Variants in VWA8 observed in about 807,000 individuals in gnomAD.
VWA8 encodes the protein von Willebrand factor A domain-containing protein 8.
Under a neutral mutation model 241.5 loss-of-function variants are expected in VWA8, and 221 were observed. The ratio of observed to expected loss-of-function variants is 0.91; its 90% CI spans 0.82 to 1.02. VWA8 has a LOEUF of 1.02. Ranked by LOEUF, VWA8 falls within the 50% of genes least tolerant of loss-of-function variation. VWA8 has a pLI of 0.00. For synonymous variants in VWA8, 852 were observed against 827.1 expected, an observed-to-expected ratio of 1.03 and a Z score of -0.52; for missense variants, 2,322 against 2,328.7, an observed-to-expected ratio of 1.00 and a Z score of 0.06.
At chr13:41,871,191 G>A (rs1281382352) in intron 9 of VWA8, among the ~76,000 whole-genome samples, 1 of 152,004 alleles carries the variant, frequency 6.6e-6, no homozygotes, top group Admixed American at 6.6e-5. Context: ...ATTATTTCAG[G>A]TTACTTCCTA....
rs750797079 is a variant in VWA8, at chr13:41,697,408, G to T, written c.3564+1663C>A. Among the ~76,000 whole-genome samples the T allele has an allele frequency of 1.1e-4, 17 of 152,044 alleles. 1 individual carries two copies. The highest frequency in any genetic ancestry group is 1.9e-4 in the Non-Finnish European group (13 of 68,010). On this transcript the variant is annotated intron_variant, in intron 29 of 44. Transcript: ENST00000379310. ...GTCTTCCCCTTTTACTCATAGTCAG[G>T]ACCCAGAAACTTCAACGGCCTACAA...
chr13:41,719,490 C>T (rs1393278477), intron 26 of VWA8, 101 bp downstream of exon 26: 1 of 1,578,398 alleles, frequency 6.3e-7, no homozygotes, highest in African/African-American at 1.4e-5. Context: ...AAAGCTTACT[C>T]ATGGAAAGTA....
chr13:41,927,746 GT>G (rs1876918405), intron 2 of VWA8, among the ~76,000 whole-genome samples: 1 of 152,110 alleles, frequency 6.6e-6, no homozygotes. Flanking sequence ...AATGGAAACA[GT>G]GAGTCCTTAC....
chr13:41,879,412 CA>C (rs1593839373), intron 9 of VWA8, among the ~76,000 whole-genome samples: 1 of 149,416 alleles, frequency 6.7e-6, no homozygotes, highest in Admixed American at 6.7e-5. Context: ...CACACACACA[CA>C]CACCTTTCTT....
At chr13:41,807,122 C>G (rs1009743530) in intron 17 of VWA8, among the ~76,000 whole-genome samples, 1 of 152,018 alleles carries the variant, frequency 6.6e-6, no homozygotes, top group Non-Finnish European at 1.5e-5. Flanking sequence ...CACACACAAC[C>G]TCTCAAGATT....
At position 41,789,690 on chromosome 13, in the gene VWA8, C is replaced by T. The variant is rs143030245; in HGVS notation, c.2064-2147G>A. 1.3e-4 allele frequency among the ~76,000 whole-genome samples: 20 copies of T among 152,110 alleles called. No individual in the cohort carries two copies. In the East Asian group the frequency reaches 3.5e-3, roughly 26 times the overall value. On this transcript the variant is annotated intron_variant, in intron 17 of 44. Transcript: ENST00000379310. ...GGTAGCAAAGAAGTCTGTTAAGGGTCGGGGTATTCTCACATCACCAGCGCT... is the reference window on the plus strand; with the variant it reads ...GGTAGCAAAGAAGTCTGTTAAGGGTTGGGGTATTCTCACATCACCAGCGCT...
intron 12 of VWA8, among the ~76,000 whole-genome samples, chr13:41,836,564 T>C (rs77385702): frequency 0.14 from 22,045 of 152,108 alleles, 1,684 homozygotes; most frequent in East Asian, 0.18. Flanking sequence ...TACCAACATA[T>C]CTGAATCACC....
chr13:41,715,527 T>G (rs2045343027), intron 26 of VWA8, among the ~76,000 whole-genome samples: 1 of 151,970 alleles, frequency 6.6e-6, no homozygotes, highest in South Asian at 2.1e-4. Context: ...AATTTGGAAG[T>G]GCTAATGTGC....
intron 12 of VWA8, among the ~76,000 whole-genome samples, chr13:41,843,645 G>C (rs1334759994): frequency 2.0e-5 from 3 of 152,006 alleles, no homozygotes; most frequent in Admixed American, 1.3e-4. Context: ...AATCAGAAAT[G>C]ACAAAGGTAA....
rs759495829 is a variant in VWA8, at chr13:41,675,311, T to C, written c.4328-15A>G. ...AGGAGTAACATCTACAAACAAGTCA[T>C]GACATGAGCCAAGTATTAAATTACT... is the stretch of plus-strand genomic sequence containing the variant. On this transcript the variant is annotated splice_polypyrimidine_tract_variant and intron_variant, in intron 35 of 44. Transcript: ENST00000379310. The C allele has an allele frequency of 1.8e-5, 29 of 1,588,592 alleles. No individual in the cohort carries two copies. The East Asian group carries it at 5.6e-4, about 31-fold the overall frequency.
intron 37 of VWA8, among the ~76,000 whole-genome samples, chr13:41,656,890 T>C (rs566891296): frequency 1.3e-5 from 2 of 152,316 alleles, no homozygotes; most frequent in Admixed American, 6.5e-5. Context: ...ATGCGTGTTG[T>C]TCATCCAGCA....
At chr13:41,641,715 T>C (rs2044796327) in intron 37 of VWA8, among the ~76,000 whole-genome samples, 2 of 151,940 alleles carry the variant, frequency 1.3e-5, no homozygotes, top group East Asian at 1.9e-4. Context: ...GGATCTTAGG[T>C]AGGGAGGCAG....
intron 21 of VWA8, among the ~76,000 whole-genome samples, chr13:41,749,527 A>G (rs910867115): frequency 1.3e-5 from 2 of 152,180 alleles, no homozygotes; most frequent in African/African-American, 4.8e-5. Context: ...AGTAGTATAA[A>G]TCATGCTGTT....
At chr13:41,926,315 G>A (rs768288443) in intron 2 of VWA8, 220 of 597,382 alleles carry the variant, frequency 3.7e-4, no homozygotes, top group Non-Finnish European at 5.0e-4. Context: ...ATTTTGTGAG[G>A]CAGAAATTTA....
intron 39 of VWA8, 120 bp from the exon 40 acceptor site, chr13:41,605,396 G>T: frequency 1.1e-6 from 1 of 915,880 alleles, no homozygotes; most frequent in East Asian, 2.6e-5. Context: ...TCATGTTGAG[G>T]AGAAAAGGCA....
intron 17 of VWA8, among the ~76,000 whole-genome samples, chr13:41,798,663 G>A (rs1869812271): frequency 6.6e-6 from 1 of 152,022 alleles, no homozygotes; most frequent in South Asian, 2.1e-4. Flanking sequence ...TCAATCTGTA[G>A]ACTCATGTCT....
At chr13:41,712,517 T>G (rs1234623636) in intron 26 of VWA8, among the ~76,000 whole-genome samples, 1 of 152,200 alleles carries the variant, frequency 6.6e-6, no homozygotes, top group Non-Finnish European at 1.5e-5. Flanking sequence ...TAGTCCTCAA[T>G]GCAAATATCT....
At chr13:41,621,799 A>G (rs1274643468) in intron 37 of VWA8, among the ~76,000 whole-genome samples, 2 of 152,130 alleles carry the variant, frequency 1.3e-5, no homozygotes, top group Non-Finnish European at 2.9e-5. Flanking sequence ...AGAAACCTAT[A>G]ATGGCCATGA....
chr13:41,917,584 G>A (rs780626928), intron 2 of VWA8, among the ~76,000 whole-genome samples: 3 of 152,282 alleles, frequency 2.0e-5, no homozygotes, highest in Admixed American at 6.5e-5. Context: ...ATGAGAACCA[G>A]GTACGGGAGA....
Sources: allele counts gnomAD v4.1 joint callset (sites outside exome capture counted in the v4.1 genomes callset), GRCh38; gene constraint gnomAD v4.1.1; transcripts MANE v1.5; gene names NCBI Gene and HGNC (gene_info 2026-07-23, HGNC 2026-07-21).